Variants in UXS1 observed in about 807,000 individuals in gnomAD.
The protein encoded by UXS1 is UDP-glucuronic acid decarboxylase 1.
Under a neutral mutation model 62.6 loss-of-function variants are expected in UXS1, and 33 were observed. The ratio of observed to expected loss-of-function variants is 0.53; its 90% CI spans 0.40 to 0.70. The LOEUF (loss-of-function observed/expected upper bound fraction) is 0.70, where lower values mean the gene tolerates loss of function less well. Among genes scored for constraint, UXS1 ranks in the 30% least tolerant of loss-of-function variants. UXS1 has a pLI of 0.00. For missense variants in UXS1, 434 were observed against 556.3 expected, an observed-to-expected ratio of 0.78 and a Z score of 2.21; for synonymous variants, 213 against 206.8, an observed-to-expected ratio of 1.03 and a Z score of -0.26.
At position 106,118,217 on chromosome 2, in the gene UXS1, G is replaced by C. The variant is rs1002876336; in HGVS notation, c.759+4753C>G. Among the ~76,000 whole-genome samples, 5 of 88,934 alleles carry C rather than the reference G, an allele frequency of 5.6e-5. No homozygotes were observed. The East Asian group carries it at 1.3e-3, about 23-fold the overall frequency. The allele number at this position is 88,934 out of a possible 152,430, so 58.3% of individuals were successfully genotyped here. A position where few individuals can be genotyped will look rare whatever the true frequency, so the allele number is the denominator to read the frequency against. On this transcript the variant is annotated intron_variant, in intron 9 of 14. Coordinates refer to ENST00000283148, the MANE Select transcript of UXS1 (RefSeq NM_001253875.2). ...ATGGAACACTGCACCTGGTTTGGCT[G>C]CTTACTTTTTTTTTTTTTTTCCAAC...
At chr2:106,169,053 T>TG (rs1683381155) in intron 1 of UXS1, among the ~76,000 whole-genome samples, 1 of 152,224 alleles carries the variant, frequency 6.6e-6, no homozygotes, top group African/African-American at 2.4e-5. Flanking sequence ...ATGTCCTTGT[T>TG]GTCCTGTTCT....
At chr2:106,151,048 T>C (rs567631195) in intron 5 of UXS1, among the ~76,000 whole-genome samples, 5 of 152,348 alleles carry the variant, frequency 3.3e-5, no homozygotes, top group African/African-American at 1.2e-4. Flanking sequence ...GGAATGGGAA[T>C]GTTTATCCCA....
chr2:106,191,238 C>G (rs529731387), intron 1 of UXS1, among the ~76,000 whole-genome samples: 1 of 152,134 alleles, frequency 6.6e-6, no homozygotes, highest in East Asian at 1.9e-4. Context: ...GTTCTGTTCC[C>G]GAAACAGGGA....
chr2:106,137,631 T>C (rs1376700496), intron 6 of UXS1, among the ~76,000 whole-genome samples: 3 of 148,248 alleles, frequency 2.0e-5, no homozygotes, highest in Non-Finnish European at 4.5e-5. Context: ...CTACTAAAAA[T>C]ATAAAAAAAA....
rs759689964 is a variant in UXS1, at chr2:106,194,179, C to G, written c.63G>C (p.Leu21=). ...CGTAGGCCAGCAAGGCGATGCCCAG[C>G]AGCAGCTTCATCCTCCTGCGGTTGA... ...SAVNRRRMKL[L]LGIALLAYVA... is the part of the protein sequence containing the mutation. The change falls in exon 1 of 15, where the codon CTG becomes CTC. Residue 21 remains leucine, a synonymous_variant. Transcript: ENST00000283148. 6.7e-6 allele frequency: 10 copies of G among 1,485,862 alleles called. No homozygotes were observed. In the African/African-American group the frequency reaches 1.2e-4, roughly 17 times the overall value. The allele number at this position is 1,485,862 out of a possible 1,614,324, so 92.0% of individuals were successfully genotyped here.
chr2:106,136,918 T>A (rs1385317581), intron 6 of UXS1, among the ~76,000 whole-genome samples: 1 of 78,668 alleles, frequency 1.3e-5, no homozygotes, highest in South Asian at 4.3e-4. Flanking sequence ...ATAATAATAA[T>A]AATAAAAAAA....
intron 1 of UXS1, 130 bp from the exon 2 acceptor site, chr2:106,166,213 A>G (rs1683199170): frequency 1.2e-6 from 1 of 825,282 alleles, no homozygotes; most frequent in Admixed American, 3.0e-5. Context: ...AGACAACAAA[A>G]TGCATACTTT....
chr2:106,190,949 CTG>C (rs1028017593), intron 1 of UXS1, among the ~76,000 whole-genome samples: 1 of 152,042 alleles, frequency 6.6e-6, no homozygotes, highest in African/African-American at 2.4e-5. Context: ...AGGGCAGAAA[CTG>C]AGTTCTTTCA....
At chr2:106,183,534 T>C (rs974229945) in intron 1 of UXS1, 1 of 152,220 alleles carries the variant, frequency 6.6e-6, no homozygotes, top group Non-Finnish European at 1.5e-5. Flanking sequence ...AAAAAGAAAC[T>C]GATGGATTAA....
chr2:106,183,725 T>C (rs6543383), intron 1 of UXS1: 120,363 of 152,134 alleles, frequency 0.79, 48,537 homozygotes, highest in Non-Finnish European at 0.88. Flanking sequence ...GCTCATCAAG[T>C]GAAGTTATCA....
At position 106,101,033 on chromosome 2, in the gene UXS1, AGAGTG is replaced by A. The variant is rs765966088; in HGVS notation, c.984+20_984+24del. ...TGAACGAAAGTCTGAGCTGTCCTGCAGAGTGGAGGGAGAGGAGCACTCACCAGGTT... is the reference window on the plus strand; with the variant it reads ...TGAACGAAAGTCTGAGCTGTCCTGCAGAGGGAGAGGAGCACTCACCAGGTT... On this transcript the variant is annotated intron_variant, in intron 12 of 14. Transcript: ENST00000283148. 4 of 1,613,766 alleles carry A rather than the reference AGAGTG, an allele frequency of 2.5e-6. No homozygotes were observed. The highest frequency in any genetic ancestry group is 3.4e-6 in the Non-Finnish European group (4 of 1,179,794).
chr2:106,186,838 A>T (rs1684589144), intron 1 of UXS1, among the ~76,000 whole-genome samples: 1 of 152,152 alleles, frequency 6.6e-6, no homozygotes, highest in Non-Finnish European at 1.5e-5. Context: ...AAGCAAAAAA[A>T]AAATCTCAGA....
intron 10 of UXS1, among the ~76,000 whole-genome samples, chr2:106,111,176 C>T (rs535005279): frequency 9.7e-4 from 147 of 152,160 alleles, no homozygotes; most frequent in African/African-American, 2.5e-3. Flanking sequence ...AGGGGTGGGG[C>T]GGCAGCAGTG....
chr2:106,155,999 T>C (rs1410074877), intron 5 of UXS1, among the ~76,000 whole-genome samples: 1 of 152,056 alleles, frequency 6.6e-6, no homozygotes, highest in East Asian at 1.9e-4. Context: ...AGGCAAGATT[T>C]CCTAAATATG....
chr2:106,124,657 T>C (rs370448855), intron 8 of UXS1, among the ~76,000 whole-genome samples: 117 of 152,252 alleles, frequency 7.7e-4, no homozygotes, highest in Admixed American at 2.5e-3. Context: ...GGAAGCAGGA[T>C]GGCTGTGGGA....
intron 13 of UXS1, among the ~76,000 whole-genome samples, chr2:106,097,873 G>A (rs1677249784): frequency 6.6e-6 from 1 of 152,238 alleles, no homozygotes; most frequent in Admixed American, 6.5e-5. Flanking sequence ...AGATGATGCA[G>A]GCTATGTCTG....
chr2:106,172,176 A>G (rs1254466258), intron 1 of UXS1, among the ~76,000 whole-genome samples: 1 of 152,250 alleles, frequency 6.6e-6, no homozygotes, highest in Non-Finnish European at 1.5e-5. Context: ...ACCCCCTGAG[A>G]GGGCGTGGAG....
intron 1 of UXS1, chr2:106,166,288 C>A (rs1197901433): frequency 1.9e-6 from 1 of 516,042 alleles, no homozygotes. Flanking sequence ...TTTATTCAGG[C>A]CAAGTTTGAG....
At chr2:106,141,866 T>TG (rs1681128622) in intron 6 of UXS1, among the ~76,000 whole-genome samples, 2 of 12,772 alleles carry the variant, frequency 1.6e-4, no homozygotes, top group Non-Finnish European at 2.9e-4. Context: ...AGCTTCAGTG[T>TG]TTTTTTTTTG....
Sources: gnomAD v4.1 joint callset for allele counts (sites outside exome capture counted in the v4.1 genomes callset) on GRCh38, gnomAD v4.1.1 for gene constraint, MANE v1.5 for transcripts, NCBI Gene and HGNC (gene_info 2026-07-23, HGNC 2026-07-21) for gene names.